Variants in LDLRAD4 observed in about 807,000 individuals in gnomAD.
LDLRAD4 encodes low-density lipoprotein receptor class A domain-containing protein 4.
A neutral mutation model predicts 17.0 loss-of-function variants in LDLRAD4; 5 were observed. That is an observed-to-expected ratio of 0.29 (90% CI 0.15 to 0.62). The LOEUF (loss-of-function observed/expected upper bound fraction) is 0.62. Ranked by LOEUF, LDLRAD4 falls within the 20% of genes least tolerant of loss-of-function variation. LDLRAD4 has a pLI of 0.84. For synonymous variants in LDLRAD4, 168 were observed against 171.8 expected, an observed-to-expected ratio of 0.98 and a Z score of 0.17; for missense variants, 340 against 424.7, an observed-to-expected ratio of 0.80 and a Z score of 1.75.
intron 1 of LDLRAD4, among the ~76,000 whole-genome samples, chr18:13,245,898 A>G (rs1567928158): frequency 6.6e-6 from 1 of 152,230 alleles, no homozygotes; most frequent in East Asian, 1.9e-4. Context: ...AACAGTGTGC[A>G]AAGTGCTGAG....
chr18:13,312,057 G>A (rs1254776874), intron 1 of LDLRAD4, among the ~76,000 whole-genome samples: 1 of 151,976 alleles, frequency 6.6e-6, no homozygotes, highest in Non-Finnish European at 1.5e-5. Context: ...GGATGGTTTT[G>A]ATCTCCTGAC....
chr18:13,633,873 C>T (rs942216445), intron 4 of LDLRAD4, among the ~76,000 whole-genome samples: 5 of 152,212 alleles, frequency 3.3e-5, no homozygotes, highest in African/African-American at 4.8e-5. Context: ...GAGGGCAGGG[C>T]TCCCACCTGT....
chr18:13,459,724 T>C (rs1294874282), intron 3 of LDLRAD4, among the ~76,000 whole-genome samples: 3 of 152,194 alleles, frequency 2.0e-5, no homozygotes, highest in Admixed American at 6.5e-5. Context: ...TAGCTTGTTA[T>C]AGCAGCAATA....
chr18:13,548,582 T>C (rs1000234174), intron 3 of LDLRAD4, among the ~76,000 whole-genome samples: 1 of 152,240 alleles, frequency 6.6e-6, no homozygotes, highest in Admixed American at 6.5e-5. Flanking sequence ...GAGTGGGTGC[T>C]GGGAGTGGGG....
chr18:13,280,728 G>C (rs187657245), intron 1 of LDLRAD4, among the ~76,000 whole-genome samples: 97 of 152,230 alleles, frequency 6.4e-4, no homozygotes, highest in African/African-American at 2.2e-3. Context: ...GACTGGAAAG[G>C]TGCAGCTGGA....
At chr18:13,282,410 TC>T (rs1350536758) in intron 1 of LDLRAD4, among the ~76,000 whole-genome samples, 7 of 152,200 alleles carry the variant, frequency 4.6e-5, no homozygotes, top group African/African-American at 1.7e-4. Flanking sequence ...GCTAGTTACT[TC>T]CTAGTTACAA....
intron 1 of LDLRAD4, among the ~76,000 whole-genome samples, chr18:13,255,783 T>G (rs1044858606): frequency 4.6e-5 from 7 of 152,072 alleles, no homozygotes; most frequent in Non-Finnish European, 5.9e-5. Flanking sequence ...AACCAGAGGA[T>G]GCACTGAGGT....
chr18:13,456,596 G>T (rs1023178832), intron 3 of LDLRAD4, among the ~76,000 whole-genome samples: 2 of 152,056 alleles, frequency 1.3e-5, no homozygotes, highest in African/African-American at 4.8e-5. Flanking sequence ...TCCAAGGGAG[G>T]GTCTGTGTTT....
intron 1 of LDLRAD4, among the ~76,000 whole-genome samples, chr18:13,295,043 C>T (rs2046196497): frequency 6.6e-6 from 1 of 152,138 alleles, no homozygotes; most frequent in Admixed American, 6.5e-5. Flanking sequence ...GTAAACCCTT[C>T]TTGCCCTGAA....
chr18:13,618,258 T>C (rs1371400832), intron 3 of LDLRAD4, among the ~76,000 whole-genome samples: 1 of 152,234 alleles, frequency 6.6e-6, no homozygotes, highest in African/African-American at 2.4e-5. Context: ...CTTTATTTTG[T>C]AGCAAACACA....
At chr18:13,547,384 G>A (rs540318816) in intron 3 of LDLRAD4, among the ~76,000 whole-genome samples, 1 of 152,250 alleles carries the variant, frequency 6.6e-6, no homozygotes, top group South Asian at 2.1e-4. Context: ...TGCGTCTGCT[G>A]TATCAGTGTC....
intron 3 of LDLRAD4, among the ~76,000 whole-genome samples, chr18:13,466,304 C>G (rs777167368): frequency 6.6e-6 from 1 of 151,786 alleles, no homozygotes; most frequent in Non-Finnish European, 1.5e-5. Context: ...AAGCCTGTTT[C>G]TACAAAAAAT....
At chr18:13,523,642 C>G (rs900998997) in intron 3 of LDLRAD4, among the ~76,000 whole-genome samples, 9 of 152,208 alleles carry the variant, frequency 5.9e-5, no homozygotes, top group Admixed American at 2.6e-4. Context: ...GCCAGAGCGT[C>G]TCCCCATTTC....
intron 1 of LDLRAD4, among the ~76,000 whole-genome samples, chr18:13,266,718 A>G (rs1162801062): frequency 1.3e-5 from 2 of 152,236 alleles, no homozygotes; most frequent in Admixed American, 6.5e-5. Flanking sequence ...CAAGCCCAGC[A>G]CCGCAGTCCT....
chr18:13,271,320 A>G (rs7232054), intron 1 of LDLRAD4, among the ~76,000 whole-genome samples: 75,687 of 152,090 alleles, frequency 0.5, 19,816 homozygotes, highest in Non-Finnish European at 0.58. Flanking sequence ...AGGATCGTCC[A>G]TTTCTTTGGC....
At chr18:13,596,039 T>G (rs1350426696) in intron 3 of LDLRAD4, among the ~76,000 whole-genome samples, 2 of 152,240 alleles carry the variant, frequency 1.3e-5, no homozygotes, top group African/African-American at 2.4e-5. Context: ...GCTTCATGTA[T>G]TTTGGAAGTT....
intron 1 of LDLRAD4, among the ~76,000 whole-genome samples, chr18:13,284,814 C>T (rs938375469): frequency 1.3e-5 from 2 of 152,208 alleles, no homozygotes; most frequent in Non-Finnish European, 2.9e-5. Context: ...GTGTGAAACA[C>T]GCTTTGCCAA....
chr18:13,368,626 G>A (rs1434346347), intron 1 of LDLRAD4, among the ~76,000 whole-genome samples: 12 of 152,166 alleles, frequency 7.9e-5, no homozygotes, highest in Admixed American at 7.8e-4. Context: ...GACTCACAGA[G>A]TGCCTCCTGC....
chr18:13,300,625 A>G lies in LDLRAD4; in HGVS notation c.-383+22437A>G, dbSNP rs1479465538. Among the ~76,000 whole-genome samples the G allele has an allele frequency of 1.3e-5, 2 of 152,106 alleles. No homozygotes were observed. Among genetic ancestry groups the G allele is most frequent in the African/African-American group, 4.8e-5 (2 of 41,398 alleles). On this transcript the variant is annotated intron_variant, in intron 1 of 5. Transcript: ENST00000359446. This position sits in a 1 kb window ranked among gnomAD's most constrained non-coding sequence, Gnocchi z 4.2. ...TGGCTGTGAGATGAGTGACAGCAGG[A>G]TGAAGGAATTTGGCATCTTTAGTTC...
Sources: gnomAD v4.1 joint callset for allele counts (sites outside exome capture counted in the v4.1 genomes callset) on GRCh38, gnomAD v4.1.1 for gene constraint, Gnocchi (gnomAD v3.1) non-coding constraint, MANE v1.5 for transcripts, NCBI Gene and HGNC (gene_info 2026-07-23, HGNC 2026-07-21) for gene names.